The following CYP4X1 variants were observed in gnomAD, a reference collection of about 807,000 sequenced individuals.
The protein encoded by CYP4X1 is cytochrome P450 family 4 subfamily X member 1.
In CYP4X1, 44 loss-of-function variants were observed where a neutral mutation model predicts 57.9. The observed-to-expected ratio is 0.76, with a 90% CI of 0.60 to 0.98. The LOEUF is 0.98. CYP4X1 is among the 50% of genes least tolerant of loss of function. CYP4X1 has a pLI of 0.00. For synonymous variants in CYP4X1, 227 were observed against 228.6 expected, an observed-to-expected ratio of 0.99 and a Z score of 0.06; for missense variants, 532 against 623.9, an observed-to-expected ratio of 0.85 and a Z score of 1.57.
chr1:46,994,767 A>C, the CYP4X1 span, among the ~76,000 whole-genome samples: 4,748 of 152,306 alleles, frequency 0.031, 135 homozygotes, highest in African/African-American at 0.08. Flanking sequence ...TCACTCAAAA[A>C]TATTCAACAA....
chr1:47,020,947 G>A (rs1365911518), upstream of CYP4X1, among the ~76,000 whole-genome samples: 5 of 151,948 alleles, frequency 3.3e-5, no homozygotes, highest in Admixed American at 3.3e-4. Context: ...TTCATTTCTT[G>A]TCTCTTGTGT....
chr1:46,990,253 A>T, the CYP4X1 span, among the ~76,000 whole-genome samples: 1 of 152,380 alleles, frequency 6.6e-6, no homozygotes, highest in South Asian at 2.1e-4. Flanking sequence ...ATGAACAGAC[A>T]TTTGTCAAAA....
intron 8 of CYP4X1, among the ~76,000 whole-genome samples, chr1:47,040,741 G>A (rs1569642503): frequency 6.6e-6 from 1 of 152,064 alleles, no homozygotes; most frequent in East Asian, 1.9e-4. Flanking sequence ...TATACACTGT[G>A]GAATGACTAA....
chr1:47,035,352 A>G (rs545281579), intron 4 of CYP4X1, among the ~76,000 whole-genome samples: 3 of 152,140 alleles, frequency 2.0e-5, no homozygotes, highest in African/African-American at 7.2e-5. Context: ...TTTTGAATCC[A>G]AACGTTTTTG....
At chr1:47,027,666 A>G (rs9793711) in intron 1 of CYP4X1, among the ~76,000 whole-genome samples, 63,879 of 151,936 alleles carry the variant, frequency 0.42, 14,791 homozygotes, top group East Asian at 0.97. Flanking sequence ...CCTACAAGAT[A>G]AGAATTTCAT....
At chr1:47,003,873 CA>C in the CYP4X1 span, among the ~76,000 whole-genome samples, 9 of 152,118 alleles carry the variant, frequency 5.9e-5, no homozygotes, top group East Asian at 1.7e-3. Context: ...CCGTCCCCGC[CA>C]AAAAATCTCA....
the CYP4X1 span, among the ~76,000 whole-genome samples, chr1:46,972,437 A>G: frequency 0.23 from 35,593 of 151,998 alleles, 4,399 homozygotes; most frequent in East Asian, 0.38. Context: ...TGTGGTTCCA[A>G]ATGAATTTTA....
the CYP4X1 span, among the ~76,000 whole-genome samples, chr1:46,974,693 T>G: frequency 6.6e-6 from 1 of 152,200 alleles, no homozygotes. Context: ...AATGCCTTTC[T>G]TTGTCTTTTT....
chr1:47,024,510 G>A (rs1644040693), intron 1 of CYP4X1, among the ~76,000 whole-genome samples: 1 of 152,108 alleles, frequency 6.6e-6, no homozygotes, highest in African/African-American at 2.4e-5. Context: ...TTTGTAAAGG[G>A]AGACTGTTAG....
intron 8 of CYP4X1, among the ~76,000 whole-genome samples, chr1:47,043,619 T>C (rs1483243210): frequency 1.3e-5 from 2 of 152,180 alleles, no homozygotes; most frequent in African/African-American, 4.8e-5. Context: ...ATGGTTCAGG[T>C]CTTAGATTTA....
chr1:47,027,398 G>A (rs766732170), intron 1 of CYP4X1, among the ~76,000 whole-genome samples: 2 of 152,118 alleles, frequency 1.3e-5, no homozygotes, highest in Non-Finnish European at 2.9e-5. Flanking sequence ...TATTTATGGA[G>A]TACCTGTGAT....
At chr1:47,043,094 G>A (rs903340430) in intron 8 of CYP4X1, among the ~76,000 whole-genome samples, 1 of 152,094 alleles carries the variant, frequency 6.6e-6, no homozygotes, top group African/African-American at 2.4e-5. Flanking sequence ...AGTGTTCCCT[G>A]TTCACTGTAT....
the CYP4X1 span, among the ~76,000 whole-genome samples, chr1:46,990,303 T>C: frequency 6.6e-6 from 1 of 152,134 alleles, no homozygotes; most frequent in East Asian, 1.9e-4. Flanking sequence ...GAAAAAAAGC[T>C]CATCATCAGT....
chr1:47,050,223 T>G lies in CYP4X1; in HGVS notation c.*49T>G. On this transcript the variant is annotated 3_prime_UTR_variant, in exon 12 of 12. Coordinates refer to ENST00000371901, the MANE Select transcript of CYP4X1 (RefSeq NM_178033.2). ...GTACTTTGTTTTTCGAAGTTAAATTTACAGCTAATGATCCAAGCAGATAGA... is the reference window on the plus strand; with the variant it reads ...GTACTTTGTTTTTCGAAGTTAAATTGACAGCTAATGATCCAAGCAGATAGA... 3.8e-6 allele frequency: 6 copies of G among 1,596,372 alleles called. No homozygotes were observed. Among genetic ancestry groups the G allele is most frequent in the Non-Finnish European group, 4.3e-6 (5 of 1,166,906 alleles).
At chr1:47,011,910 C>G in the CYP4X1 span, among the ~76,000 whole-genome samples, 49 of 152,290 alleles carry the variant, frequency 3.2e-4, no homozygotes, top group Non-Finnish European at 2.1e-4. Flanking sequence ...CAGGAAACAA[C>G]AGGTGCTGGA....
chr1:46,971,635 T>C, the CYP4X1 span, among the ~76,000 whole-genome samples: 3 of 152,250 alleles, frequency 2.0e-5, no homozygotes, highest in African/African-American at 7.2e-5. Context: ...TGTGAGATGA[T>C]CTCTCATTGA....
At chr1:47,021,404 C>G (rs1284546080), upstream of CYP4X1, among the ~76,000 whole-genome samples, 1 of 152,168 alleles carries the variant, frequency 6.6e-6, no homozygotes, top group Non-Finnish European at 1.5e-5. Context: ...GGAAAACCCA[C>G]CTCTTGCAGC....
At chr1:46,967,758 TG>T in the CYP4X1 span, 1 of 1,297,820 alleles carries the variant, frequency 7.7e-7, no homozygotes. Context: ...GCAAAATTCA[TG>T]GTATGCCGAC....
the CYP4X1 span, among the ~76,000 whole-genome samples, chr1:47,009,578 AAT>A: frequency 3.3e-5 from 5 of 152,292 alleles, no homozygotes; most frequent in East Asian, 9.6e-4. Context: ...AACTGAAGGA[AAT>A]AGAGACACAA....
Sources: allele counts gnomAD v4.1 joint callset (sites outside exome capture counted in the v4.1 genomes callset), GRCh38; gene constraint gnomAD v4.1.1; transcripts MANE v1.5; gene names NCBI Gene and HGNC (gene_info 2026-07-23, HGNC 2026-07-21).